NRF1: variants seen among roughly 807,000 people sequenced by gnomAD.
NRF1 encodes the protein alpha palindromic-binding protein.
A neutral mutation model predicts 58.5 loss-of-function variants in NRF1; 5 were observed. The observed-to-expected ratio is 0.09, with a 90% CI of 0.04 to 0.18. The LOEUF (loss-of-function observed/expected upper bound fraction) is 0.18, where lower values mean the gene tolerates loss of function less well. Ranked by LOEUF, NRF1 falls within the 10% of genes least tolerant of loss-of-function variation. The probability of loss-of-function intolerance (pLI) is 1.00; values close to 1 mark genes in which losing one functional copy is unlikely to be tolerated. For synonymous variants in NRF1, 224 were observed against 246.7 expected (o/e 0.91, Z 0.86); for missense variants, 288 against 657.7 (o/e 0.44, Z 6.15).
At chr7:129,621,225 C>T (rs567865072) in intron 1 of NRF1, among the ~76,000 whole-genome samples, 1 of 152,164 alleles carries the variant, frequency 6.6e-6, no homozygotes, top group Non-Finnish European at 1.5e-5. Context: ...GATATCCATA[C>T]TTTTGCTTGC....
intron 5 of NRF1, among the ~76,000 whole-genome samples, chr7:129,691,723 A>T (rs1350540717): frequency 6.6e-6 from 1 of 151,878 alleles, no homozygotes; most frequent in Non-Finnish European, 1.5e-5. Context: ...TCCTTATCTT[A>T]TTCAGTCTTC....
intron 5 of NRF1, 64 bp downstream of exon 5, chr7:129,690,610 A>G: frequency 3.8e-6 from 6 of 1,569,360 alleles, no homozygotes; most frequent in Non-Finnish European, 5.2e-6. Flanking sequence ...CGGGCCTCTG[A>G]TCACTTTTCT....
At chr7:129,677,839 A>C in intron 4 of NRF1, 81 bp downstream of exon 4, 1 of 1,544,290 alleles carries the variant, frequency 6.5e-7, no homozygotes, top group East Asian at 2.3e-5. Context: ...TGTCAAGTAT[A>C]ACAGTTGGCA....
intron 10 of NRF1, among the ~76,000 whole-genome samples, chr7:129,729,151 G>A (rs746490812): frequency 9.9e-5 from 15 of 152,102 alleles, no homozygotes; most frequent in Non-Finnish European, 2.1e-4. Context: ...CATTCTAATC[G>A]ACTTGACCTG....
intron 10 of NRF1, among the ~76,000 whole-genome samples, chr7:129,739,871 A>G (rs1375784923): frequency 6.6e-6 from 1 of 152,226 alleles, no homozygotes; most frequent in Non-Finnish European, 1.5e-5. Context: ...CAAAGCTGAC[A>G]GGAGCCATGA....
chr7:129,663,812 G>A (rs957059359), intron 2 of NRF1, among the ~76,000 whole-genome samples: 10 of 152,282 alleles, frequency 6.6e-5, no homozygotes, highest in Middle Eastern at 3.4e-3. Context: ...CCAAGATCAC[G>A]CCACTGTACT....
chr7:129,706,674 G>A (rs759968184), intron 5 of NRF1, among the ~76,000 whole-genome samples: 3 of 152,114 alleles, frequency 2.0e-5, no homozygotes, highest in Admixed American at 6.6e-5. Context: ...AAGTAACATT[G>A]AGTTATTGGA....
chr7:129,664,835 C>A (rs1162161897), intron 2 of NRF1, among the ~76,000 whole-genome samples: 1 of 152,036 alleles, frequency 6.6e-6, no homozygotes, highest in Admixed American at 6.6e-5. Context: ...ATATATGTAA[C>A]CTATGTAGAT....
chr7:129,688,002 G>A (rs892469185), intron 4 of NRF1, among the ~76,000 whole-genome samples: 3 of 152,298 alleles, frequency 2.0e-5, no homozygotes, highest in African/African-American at 4.8e-5. Flanking sequence ...GAATTATATA[G>A]CACTGATAAG....
chr7:129,720,478 T>C (rs1803297040), intron 9 of NRF1, among the ~76,000 whole-genome samples: 1 of 152,210 alleles, frequency 6.6e-6, no homozygotes, highest in Non-Finnish European at 1.5e-5. Context: ...CTGGTCTTTG[T>C]TCCTATGATG....
At chr7:129,643,247 A>G (rs1801334475) in intron 1 of NRF1, among the ~76,000 whole-genome samples, 1 of 152,194 alleles carries the variant, frequency 6.6e-6, no homozygotes, top group Admixed American at 6.5e-5. Context: ...GCTAGGAAAT[A>G]GCTTTAACTG....
chr7:129,613,548 G>C (rs1800590515), intron 1 of NRF1, among the ~76,000 whole-genome samples: 1 of 151,580 alleles, frequency 6.6e-6, no homozygotes, highest in Non-Finnish European at 1.5e-5. Flanking sequence ...TCTTTTGATA[G>C]GACTTAGTGG....
Position 129,659,073 on chromosome 7 carries a change from C to CTTTTTT in NRF1, c.223+1517_223+1522dup, listed in dbSNP as rs780109640. Among the ~76,000 whole-genome samples, 453 of 88,134 alleles carry CTTTTTT rather than the reference C, an allele frequency of 5.1e-3. 16 individuals are homozygous for CTTTTTT. Among genetic ancestry groups the CTTTTTT allele is most frequent in the East Asian group, 0.015 (35 of 2,358 alleles). 57.8% of individuals were successfully genotyped at this position (88,134 alleles called of 152,430 possible). ...CAACTGTATTTTAAACACCACAGGA[C>CTTTTTT]TTTTTTTTTTTTTTTTTTTTTTTGA... On this transcript the variant is annotated intron_variant, in intron 2 of 10. Transcript: ENST00000393232.
chr7:129,717,908 G>A (rs1803229633), intron 9 of NRF1, among the ~76,000 whole-genome samples: 1 of 152,238 alleles, frequency 6.6e-6, no homozygotes, highest in Admixed American at 6.5e-5. Flanking sequence ...ACTGCATTTT[G>A]TTGGGGGTAT....
intron 10 of NRF1, among the ~76,000 whole-genome samples, chr7:129,754,464 TAAA>T (rs57595268): frequency 4.1e-4 from 21 of 51,202 alleles, no homozygotes; most frequent in African/African-American, 4.8e-4. Context: ...CCCTGTCTCT[TAAA>T]AAAAAAAAAA....
At chr7:129,736,670 G>T (rs994262651) in intron 10 of NRF1, among the ~76,000 whole-genome samples, 10 of 150,932 alleles carry the variant, frequency 6.6e-5, no homozygotes, top group Non-Finnish European at 1.5e-4. Flanking sequence ...AGCAGGGAGG[G>T]TATTAGCTTT....
chr7:129,662,480 CAAAT>C (rs548403830), intron 2 of NRF1, among the ~76,000 whole-genome samples: 233 of 149,650 alleles, frequency 1.6e-3, no homozygotes, highest in Non-Finnish European at 2.3e-3. Context: ...TTCTTTTAAA[CAAAT>C]AATTTTATAA....
intron 3 of NRF1, among the ~76,000 whole-genome samples, chr7:129,677,383 T>C (rs1802206843): frequency 6.6e-6 from 1 of 152,206 alleles, no homozygotes; most frequent in Non-Finnish European, 1.5e-5. Context: ...AATGATACCA[T>C]GTTCAAAATT....
intron 5 of NRF1, among the ~76,000 whole-genome samples, chr7:129,702,048 A>G (rs958277986): frequency 2.6e-5 from 4 of 152,198 alleles, no homozygotes; most frequent in African/African-American, 9.7e-5. Flanking sequence ...ATGTAAATGT[A>G]TAGAATTTGG....
Sources: gnomAD v4.1 joint callset for allele counts (sites outside exome capture counted in the v4.1 genomes callset) on GRCh38, gnomAD v4.1.1 for gene constraint, MANE v1.5 for transcripts, NCBI Gene and HGNC (gene_info 2026-07-23, HGNC 2026-07-21) for gene names.